Variants in PRKD2 observed in about 807,000 individuals in gnomAD.
PRKD2 encodes serine/threonine-protein kinase D2.
A neutral mutation model predicts 86.0 loss-of-function variants in PRKD2; 22 were observed. The ratio of observed to expected loss-of-function variants is 0.26; its 90% CI spans 0.18 to 0.37. PRKD2 has a LOEUF of 0.37. PRKD2 is among the 10% of genes least tolerant of loss of function. The pLI, the probability that PRKD2 is intolerant of heterozygous loss-of-function variation, is 1.00. For synonymous variants in PRKD2, 509 were observed against 510.9 expected, an observed-to-expected ratio of 1.00 and a Z score of 0.05; for missense variants, 818 against 1,199.2, an observed-to-expected ratio of 0.68 and a Z score of 4.70.
chr19:46,681,444 G>C (rs990584926), intron 15 of PRKD2, among the ~76,000 whole-genome samples: 1 of 151,192 alleles, frequency 6.6e-6, no homozygotes, highest in African/African-American at 2.4e-5. Context: ...TTTTTGTATA[G>C]ATGAGGTCTC....
chr19:46,704,117 G>A (rs1377938422), intron 5 of PRKD2, 52 bp downstream of exon 5: 1 of 1,607,082 alleles, frequency 6.2e-7, no homozygotes, highest in African/African-American at 1.3e-5. Context: ...ACCAGGTTGG[G>A]GCGGGAAGGA....
At chr19:46,675,322 C>A (rs1344725693) in intron 16 of PRKD2, among the ~76,000 whole-genome samples, 1 of 152,210 alleles carries the variant, frequency 6.6e-6, no homozygotes, top group Non-Finnish European at 1.5e-5. Flanking sequence ...CATGCATGTT[C>A]ACACCAGCTC....
At chr19:46,680,946 A>ATATATATATATATATATATATATT in intron 15 of PRKD2, among the ~76,000 whole-genome samples, 77 of 48,212 alleles carry the variant, frequency 1.6e-3, no homozygotes, top group South Asian at 4.3e-3. Context: ...ATATATATAT[A>ATATATATATATATATATATATATT]TTTTTTTTTT....
At chr19:46,690,515 A>G in intron 13 of PRKD2, 85 bp downstream of exon 13, 1 of 1,239,750 alleles carries the variant, frequency 8.1e-7, no homozygotes, top group African/African-American at 1.5e-5. Context: ...GCCCTCCCCC[A>G]GGAAGCCTTC....
chr19:46,680,946 A>ATATATATATATATATTTTTT lies in PRKD2; in HGVS notation c.2070+703_2070+704insAAAAAATATATATATATATA. Among the ~76,000 whole-genome samples, 134 of 48,180 alleles carry ATATATATATATATATTTTTT rather than the reference A, an allele frequency of 2.8e-3. 2 individuals carry two copies. Among genetic ancestry groups the ATATATATATATATATTTTTT allele is most frequent in the South Asian group, 3.2e-3 (3 of 930 alleles). The allele number at this position is 48,180 out of a possible 152,430, so 31.6% of individuals were successfully genotyped here. ...AAACTATATATATATATATATATAT[A>ATATATATATATATATTTTTT]TTTTTTTTTTTTTTTTTGAGACAGA... On this transcript the variant is annotated intron_variant, in intron 15 of 17. Coordinates refer to ENST00000291281, the MANE Select transcript of PRKD2 (RefSeq NM_016457.5).
chr19:46,690,915 A>T (rs2053474392), intron 12 of PRKD2, among the ~76,000 whole-genome samples: 1 of 152,130 alleles, frequency 6.6e-6, no homozygotes, highest in Non-Finnish European at 1.5e-5. Context: ...AAACAAACAA[A>T]AAGCTCCGAA....
At chr19:46,706,701 G>A (rs901348003) in intron 3 of PRKD2, among the ~76,000 whole-genome samples, 1 of 152,094 alleles carries the variant, frequency 6.6e-6, no homozygotes, top group African/African-American at 2.4e-5. Flanking sequence ...ATGACACCAG[G>A]GCTGTATCAT....
At position 46,694,078 on chromosome 19, in the gene PRKD2, A is replaced by G. The variant is rs866307826; in HGVS notation, c.1373T>C (p.Val458Ala). The change falls in exon 10 of 18, where the codon GTG becomes GCG. Residue 458 changes from valine to alanine, a missense_variant. This residue lies in a region of PRKD2 where 127 missense variants were observed against 157.8 expected (regional missense o/e 0.80). Transcript: ENST00000291281. ...GCAGTGTGGGTTGGTGCCCGGCGGC[A>G]CAAGGCTGAAGTTCTGGGCGGACTC... The part of the protein sequence containing the change: ...TVESAQNFSL[V>A]PPGTNPHCFE... The G allele has an allele frequency of 8.1e-6, 13 of 1,614,172 alleles. No homozygotes were observed. Among genetic ancestry groups the G allele is most frequent in the Non-Finnish European group, 1.1e-5 (13 of 1,180,030 alleles).
intron 9 of PRKD2, among the ~76,000 whole-genome samples, chr19:46,696,928 T>A (rs2053567003): frequency 6.6e-6 from 1 of 152,072 alleles, no homozygotes; most frequent in Non-Finnish European, 1.5e-5. Flanking sequence ...GTGAGAAGCG[T>A]GAGGCACTGA....
intron 16 of PRKD2, among the ~76,000 whole-genome samples, chr19:46,676,969 G>A (rs1425651496): frequency 2.0e-5 from 3 of 151,100 alleles, no homozygotes; most frequent in South Asian, 2.1e-4. Context: ...GCTGAGGCAG[G>A]AGAATCCCTT....
chr19:46,679,105 G>A (rs976637545), intron 15 of PRKD2, among the ~76,000 whole-genome samples: 2 of 152,138 alleles, frequency 1.3e-5, no homozygotes, highest in African/African-American at 4.8e-5. Context: ...CACTTTGGGA[G>A]GCCAAGGAAG....
At chr19:46,697,296 T>C (rs2053573946) in intron 8 of PRKD2, 62 bp from the exon 9 acceptor site, 1 of 1,285,674 alleles carries the variant, frequency 7.8e-7, no homozygotes, top group South Asian at 1.3e-5. Context: ...CCCTATCCCG[T>C]GGAGCTGCTT....
chr19:46,694,858 C>T (rs919864291), intron 9 of PRKD2, among the ~76,000 whole-genome samples: 2 of 151,642 alleles, frequency 1.3e-5, no homozygotes, highest in East Asian at 3.9e-4. Context: ...GGGCAGATGG[C>T]CCAGGAGTTC....
rs1266934759 is a variant in PRKD2, at chr19:46,694,204, G to T, written c.1318-71C>A. The T allele has an allele frequency of 5.1e-6, 8 of 1,561,910 alleles. No homozygotes were observed. The East Asian group carries it at 9.0e-5, about 18-fold the overall frequency. On this transcript the variant is annotated intron_variant, in intron 9 of 17. Coordinates refer to ENST00000291281, the MANE Select transcript of PRKD2 (RefSeq NM_016457.5). ...TGGAATTCTAGTGCTTACCCAGAAG[G>T]ATACACGGGATCCATGTTGATAGGG...
At chr19:46,701,574 C>T (rs1246445520) in intron 5 of PRKD2, among the ~76,000 whole-genome samples, 8 of 151,612 alleles carry the variant, frequency 5.3e-5, no homozygotes, top group Non-Finnish European at 8.8e-5. Flanking sequence ...GCTGGTTTCG[C>T]GCTCCTGACC....
chr19:46,681,273 A>G (rs996889118), intron 15 of PRKD2, among the ~76,000 whole-genome samples: 35 of 141,680 alleles, frequency 2.5e-4, no homozygotes, highest in African/African-American at 8.6e-4. Flanking sequence ...TTTTTTTTTA[A>G]GAGACAGCTC....
chr19:46,675,191 C>T, intron 16 of PRKD2, 73 bp from the exon 17 acceptor site: 1 of 1,308,306 alleles, frequency 7.6e-7, no homozygotes, highest in Non-Finnish European at 1.1e-6. Context: ...CACCCCCTAG[C>T]CTACCTGCCT....
chr19:46,706,951 G>A (rs902876205), intron 3 of PRKD2, among the ~76,000 whole-genome samples: 3 of 148,694 alleles, frequency 2.0e-5, no homozygotes, highest in Non-Finnish European at 3.0e-5. Flanking sequence ...GGAGTGCAAT[G>A]GTATGATCTC....
intron 15 of PRKD2, among the ~76,000 whole-genome samples, chr19:46,679,141 G>T (rs531048313): frequency 1.3e-5 from 2 of 152,096 alleles, no homozygotes; most frequent in East Asian, 3.9e-4. Flanking sequence ...TCAGGAGTTC[G>T]AGACCAGCCT....
Sources: gnomAD v4.1 joint callset for allele counts (sites outside exome capture counted in the v4.1 genomes callset) on GRCh38, gnomAD v4.1.1 for gene constraint, gnomAD v4.1.1 regional missense constraint, MANE v1.5 for transcripts, NCBI Gene and HGNC (gene_info 2026-07-23, HGNC 2026-07-21) for gene names.